Variants in PCDHA2 observed in about 807,000 individuals in gnomAD.
PCDHA2 encodes protocadherin alpha-2.
In PCDHA2, 58 loss-of-function variants were observed where a neutral mutation model predicts 66.0. The observed-to-expected ratio is 0.88, with a 90% CI of 0.71 to 1.09. The LOEUF (loss-of-function observed/expected upper bound fraction) is 1.09. Ranked by LOEUF, PCDHA2 falls within the 50% of genes least tolerant of loss-of-function variation. The pLI is 0.00. For synonymous variants in PCDHA2, 634 were observed against 554.0 expected, an observed-to-expected ratio of 1.14 and a Z score of -2.03; for missense variants, 1,267 against 1,242.3, an observed-to-expected ratio of 1.02 and a Z score of -0.30.
rs2150326977 is a variant in PCDHA2, at chr5:140,841,986, T to C, written c.2388+44634T>C. ...GCCACAGATGGGGGCAAACCTGAGCTCACAGGCACTGTTCAGCTGCTGGTC... is the reference window on the plus strand; with the variant it reads ...GCCACAGATGGGGGCAAACCTGAGCCCACAGGCACTGTTCAGCTGCTGGTC... On this transcript the variant is annotated intron_variant, in intron 1 of 3. Transcript: ENST00000526136. 2 of 1,613,792 alleles carry C rather than the reference T, an allele frequency of 1.2e-6. 1 individual carries two copies. The highest frequency in any genetic ancestry group is 4.5e-5 in the East Asian group (2 of 44,836).
intron 1 of PCDHA2, among the ~76,000 whole-genome samples, chr5:140,908,256 A>T (rs192899359): frequency 6.6e-6 from 1 of 152,130 alleles, no homozygotes; most frequent in Non-Finnish European, 1.5e-5. Context: ...AACTGATCAT[A>T]GGGAACTCCC....
chr5:140,830,481 C>A (rs2150187126), intron 1 of PCDHA2: 1 of 1,505,878 alleles, frequency 6.6e-7, no homozygotes, highest in East Asian at 2.4e-5. Flanking sequence ...GATCATGATG[C>A]CAAAGTAAGT....
intron 1 of PCDHA2, chr5:140,883,158 C>A: frequency 2.5e-6 from 4 of 1,613,710 alleles, no homozygotes; most frequent in Non-Finnish European, 3.4e-6. Flanking sequence ...ACCATAAATC[C>A]GAACAATGGA....
chr5:140,849,985 G>A lies in PCDHA2; in HGVS notation c.2388+52633G>A, dbSNP rs2150461572. On this transcript the variant is annotated intron_variant, in intron 1 of 3. Coordinates refer to ENST00000526136, the MANE Select transcript of PCDHA2 (RefSeq NM_018905.3). ...CTGGTGTCCTACTCGCTGGTGGAGC[G>A]GCGGTTGGGCGAGCGCTCGCTGTCG... 42 of 1,597,276 alleles carry A rather than the reference G, an allele frequency of 2.6e-5. No homozygotes were observed. The East Asian group carries it at 9.4e-4, about 36-fold the overall frequency.
intron 1 of PCDHA2, among the ~76,000 whole-genome samples, chr5:140,819,566 TAGA>T (rs1554127716): frequency 6.6e-6 from 1 of 152,136 alleles, no homozygotes; most frequent in Non-Finnish European, 1.5e-5. Context: ...GAAAATAGCT[TAGA>T]AGAAGATTTT....
intron 1 of PCDHA2, chr5:140,855,906 C>G (rs1442009275): frequency 3.5e-6 from 4 of 1,137,256 alleles, no homozygotes; most frequent in Non-Finnish European, 3.7e-6. Context: ...CAGCCAGTTT[C>G]TCAAGGACTA....
At chr5:140,846,064 C>T (rs2150218418) in intron 1 of PCDHA2, among the ~76,000 whole-genome samples, 1 of 149,696 alleles carries the variant, frequency 6.7e-6, no homozygotes, top group East Asian at 1.9e-4. Flanking sequence ...TGTGGGAAAA[C>T]AGTTTTTTGG....
intron 1 of PCDHA2, chr5:140,836,659 G>A: frequency 6.2e-7 from 1 of 1,613,452 alleles, no homozygotes; most frequent in South Asian, 1.1e-5. Flanking sequence ...CAGAGGGTGT[G>A]CTCTGGGGAG....
chr5:140,828,082 G>T (rs369653273), intron 1 of PCDHA2: 1 of 1,582,914 alleles, frequency 6.3e-7, no homozygotes, highest in Non-Finnish European at 8.6e-7. Flanking sequence ...TAAAACCAGA[G>T]GTATTTGACA....
intron 1 of PCDHA2, chr5:140,868,455 A>C (rs2050469160): frequency 6.6e-6 from 1 of 152,444 alleles, no homozygotes; most frequent in Non-Finnish European, 1.5e-5. Flanking sequence ...TAAACACTAA[A>C]GAGCTGCTTT....
At chr5:140,819,050 A>G (rs1440435976) in intron 1 of PCDHA2, among the ~76,000 whole-genome samples, 1 of 152,190 alleles carries the variant, frequency 6.6e-6, no homozygotes, top group Non-Finnish European at 1.5e-5. Context: ...GGGCAGTTAT[A>G]CCTTCCTCTG....
chr5:140,848,388 TC>T, intron 1 of PCDHA2: 1 of 1,225,380 alleles, frequency 8.2e-7, no homozygotes, highest in Non-Finnish European at 1.2e-6. Context: ...TTTCACTCTC[TC>T]TGTGCTGAAC....
intron 3 of PCDHA2, among the ~76,000 whole-genome samples, chr5:140,996,245 G>A (rs2097718426): frequency 6.6e-6 from 1 of 152,220 alleles, no homozygotes; most frequent in South Asian, 2.1e-4. Context: ...AGGCTGAGAA[G>A]TGACAGCAAC....
In PCDHA2 at chr5:140,850,586, C is replaced by T. The variant is rs10040059; in HGVS notation, c.2388+53234C>T. The stretch of plus-strand genomic sequence containing the variant: ...CCGAGGTGACGCTGGTGGATGTCAA[C>T]GTGTACCTGATCATCGCCATCTGCG... On this transcript the variant is annotated intron_variant, in intron 1 of 3. Transcript: ENST00000526136. 1,289 of 1,598,414 alleles carry T rather than the reference C, an allele frequency of 8.1e-4. 73 individuals carry two copies. In the African/African-American group the frequency reaches 0.014, roughly 17 times the overall value.
intron 1 of PCDHA2, chr5:140,869,664 G>A (rs1554163333): frequency 5.0e-6 from 8 of 1,613,474 alleles, no homozygotes; most frequent in Non-Finnish European, 6.8e-6. Flanking sequence ...CAAATGGTAA[G>A]CAGATTAAAA....
intron 1 of PCDHA2, among the ~76,000 whole-genome samples, chr5:140,944,361 A>G (rs1463339181): frequency 6.6e-6 from 1 of 151,888 alleles, no homozygotes; most frequent in Non-Finnish European, 1.5e-5. Flanking sequence ...CTAATTTTTA[A>G]TTTTTTATAG....
At chr5:140,827,906 A>G in intron 1 of PCDHA2, 1 of 808,566 alleles carries the variant, frequency 1.2e-6, no homozygotes, top group South Asian at 1.8e-5. Context: ...TTGGAGCCGC[A>G]TGATGTCGCT....
At chr5:140,843,497 C>G (rs1229435401) in intron 1 of PCDHA2, 5 of 1,596,022 alleles carry the variant, frequency 3.1e-6, no homozygotes, top group Non-Finnish European at 4.3e-6. Context: ...GTGCTCAGCA[C>G]TGCCCACTGA....
At chr5:140,834,343 G>A in intron 1 of PCDHA2, 2 of 1,517,652 alleles carry the variant, frequency 1.3e-6, no homozygotes, top group South Asian at 1.3e-5. Context: ...TAAATTCGAA[G>A]GCAAGTTTTG....
Sources: gnomAD v4.1 joint callset for allele counts (sites outside exome capture counted in the v4.1 genomes callset) on GRCh38, gnomAD v4.1.1 for gene constraint, MANE v1.5 for transcripts, NCBI Gene and HGNC (gene_info 2026-07-23, HGNC 2026-07-21) for gene names.